The following AGPAT5 variants were observed in gnomAD, a reference collection of about 807,000 sequenced individuals.
The protein encoded by AGPAT5 is 1-acylglycerol-3-phosphate O-acyltransferase 5, also known as 1-acyl-sn-glycerol-3-phosphate acyltransferase epsilon.
A neutral mutation model predicts 45.6 loss-of-function variants in AGPAT5; 46 were observed. The ratio of observed to expected loss-of-function variants is 1.01; its 90% CI spans 0.80 to 1.29. The LOEUF (loss-of-function observed/expected upper bound fraction) is 1.29, where lower values mean the gene tolerates loss of function less well. AGPAT5 is among the 50% of genes most tolerant of loss of function. AGPAT5 has a pLI of 0.00. For missense variants in AGPAT5, 673 were observed against 450.7 expected, an observed-to-expected ratio of 1.49 and a Z score of -4.47; for synonymous variants, 272 against 167.0, an observed-to-expected ratio of 1.63 and a Z score of -4.85.
chr8:6,758,210 T>C lies in AGPAT5; in HGVS notation c.*822T>C, dbSNP rs1467141372. ...CGTTAAGGTTTTCTGTTTTGTTTTG[T>C]TTTTTTAATATCAAAAGAGTCGGTG... On this transcript the variant is annotated 3_prime_UTR_variant, in exon 8 of 8. Transcript: ENST00000285518. The C allele has an allele frequency of 2.6e-5, 4 of 152,586 alleles. No individual in the cohort carries two copies. The highest frequency in any genetic ancestry group is 9.7e-5 in the African/African-American group (4 of 41,448). The allele number at this position is 152,586 out of a possible 1,614,324, so 9.5% of individuals were successfully genotyped here.
intron 1 of AGPAT5, among the ~76,000 whole-genome samples, chr8:6,713,705 C>T (rs186067447): frequency 7.2e-6 from 1 of 139,470 alleles, no homozygotes; most frequent in Non-Finnish European, 1.5e-5. Flanking sequence ...AGGTACACAG[C>T]ACCATGCCCA....
intron 1 of AGPAT5, among the ~76,000 whole-genome samples, chr8:6,720,649 C>G (rs1038862315): frequency 6.6e-6 from 1 of 152,130 alleles, no homozygotes; most frequent in African/African-American, 2.4e-5. Flanking sequence ...GCTGTTTAAC[C>G]AAGAGAAAAA....
At chr8:6,732,087 G>A (rs1268244663) in intron 3 of AGPAT5, among the ~76,000 whole-genome samples, 2 of 152,178 alleles carry the variant, frequency 1.3e-5, no homozygotes, top group East Asian at 3.8e-4. Flanking sequence ...GGCTTTAGTA[G>A]ACTGATTTGG....
rs765753866 is a variant in AGPAT5, at chr8:6,755,096, G to T, written c.791G>T (p.Arg264Leu). 6.2e-7 allele frequency: 1 copy of T among 1,604,854 alleles called. No individual in the cohort carries two copies. The highest frequency in any genetic ancestry group is 8.5e-7 in the Non-Finnish European group (1 of 1,177,284). The change falls in exon 7 of 8, where the codon CGT (arginine) becomes CTT (leucine). Residue 264 changes from arginine (R) to leucine (L), a missense_variant. By Grantham distance (102) the Arg-to-Leu change is moderately radical. Transcript: ENST00000285518. ...CCAAAAATTCATATTCACATTGATC[G>T]TATCGACAAAAAAGATGTCCCAGAA... ...ECPKIHIHIDRIDKKDVPEEQ... is the reference protein window; with the variant it reads ...ECPKIHIHIDLIDKKDVPEEQ...
chr8:6,746,079 C>A (rs2116941029), intron 5 of AGPAT5: 1 of 151,762 alleles, frequency 6.6e-6, no homozygotes, highest in Admixed American at 6.6e-5. Flanking sequence ...TTTCTGCATT[C>A]TTCTCCCTCC....
chr8:6,736,108 C>T (rs952534606), intron 4 of AGPAT5, among the ~76,000 whole-genome samples: 1 of 152,090 alleles, frequency 6.6e-6, no homozygotes. Flanking sequence ...CGCCTCGGCC[C>T]CCCACAGTGC....
At chr8:6,720,770 C>T (rs1587007991) in intron 1 of AGPAT5, among the ~76,000 whole-genome samples, 1 of 152,264 alleles carries the variant, frequency 6.6e-6, no homozygotes, top group East Asian at 1.9e-4. Context: ...AATAAGAGGG[C>T]TAGCAAGGAA....
chr8:6,730,754 G>T lies in AGPAT5; in HGVS notation c.333G>T (p.Ala111=), dbSNP rs753719874. ...ACATCTTGGCCATCAGGCAGAATGCGCTAGGACATGTGCGCTACGTGCTGA... is the reference window on the plus strand; with the variant it reads ...ACATCTTGGCCATCAGGCAGAATGCTCTAGGACATGTGCGCTACGTGCTGA... ...VADILAIRQN[A]LGHVRYVLKE... The change falls in exon 3 of 8, where the codon GCG becomes GCT. Residue 111 remains alanine, a synonymous_variant. Coordinates refer to ENST00000285518, the MANE Select transcript of AGPAT5 (RefSeq NM_018361.5). The T allele has an allele frequency of 1.2e-6, 2 of 1,613,606 alleles. No individual in the cohort carries two copies. Among genetic ancestry groups the T allele is most frequent in the Non-Finnish European group, 1.7e-6 (2 of 1,179,600 alleles).
chr8:6,736,859 C>T (rs909458575), intron 4 of AGPAT5, among the ~76,000 whole-genome samples: 1 of 152,248 alleles, frequency 6.6e-6, no homozygotes, highest in Non-Finnish European at 1.5e-5. Context: ...TCTCTCTTCA[C>T]AGTTCTATTA....
chr8:6,711,380 TA>T (rs1800151210), intron 1 of AGPAT5, among the ~76,000 whole-genome samples: 1 of 152,266 alleles, frequency 6.6e-6, no homozygotes, highest in African/African-American at 2.4e-5. Context: ...TCAGTGCTGC[TA>T]AAATTGTTCC....
intron 6 of AGPAT5, among the ~76,000 whole-genome samples, chr8:6,752,102 G>A (rs1479571689): frequency 6.6e-6 from 1 of 152,008 alleles, no homozygotes. Context: ...ACTTGAATCC[G>A]GGAGGCAGCA....
chr8:6,722,614 T>C (rs1195338029), intron 1 of AGPAT5, among the ~76,000 whole-genome samples: 1 of 152,224 alleles, frequency 6.6e-6, no homozygotes, highest in Non-Finnish European at 1.5e-5. Flanking sequence ...AGGCAGTTTA[T>C]ATGTCATGGG....
In AGPAT5 at chr8:6,758,805, G is replaced by A. The variant is rs976531970; in HGVS notation, c.*1417G>A. 4.6e-5 allele frequency: 7 copies of A among 152,524 alleles called. No homozygotes were observed. The highest frequency in any genetic ancestry group is 2.1e-4 in the South Asian group (1 of 4,818). 9.4% of individuals were successfully genotyped at this position (152,524 alleles called of 1,614,324 possible). On this transcript the variant is annotated 3_prime_UTR_variant, in exon 8 of 8. Transcript: ENST00000285518. ...ATTTTTGTGTTATAATTTAAACTTC[G>A]ATTTCCTCATAGTCCTTTAAGTTGA...
intron 6 of AGPAT5, 22 bp from the exon 7 acceptor site, chr8:6,755,029 A>G (rs755097515): frequency 5.2e-6 from 8 of 1,550,396 alleles, no homozygotes; most frequent in Non-Finnish European, 7.0e-6. Context: ...AAAAAAAAAG[A>G]ATTATTTTTG....
chr8:6,750,073 C>A (rs1563305929), intron 6 of AGPAT5, among the ~76,000 whole-genome samples: 1 of 152,236 alleles, frequency 6.6e-6, no homozygotes. Context: ...GGAAACCACC[C>A]TCTCTTTTGT....
intron 6 of AGPAT5, among the ~76,000 whole-genome samples, chr8:6,753,513 G>A (rs776575814): frequency 4.6e-5 from 7 of 152,176 alleles, no homozygotes; most frequent in Non-Finnish European, 7.4e-5. Context: ...AACACATAGT[G>A]CATACTGTGT....
chr8:6,737,745 C>T (rs977729995), intron 4 of AGPAT5, among the ~76,000 whole-genome samples: 4 of 152,198 alleles, frequency 2.6e-5, no homozygotes, highest in African/African-American at 7.2e-5. Context: ...GTTTAAATCC[C>T]AGATCTTCTG....
chr8:6,726,177 G>A (rs1236132793), intron 2 of AGPAT5, among the ~76,000 whole-genome samples: 1 of 152,176 alleles, frequency 6.6e-6, no homozygotes, highest in Non-Finnish European at 1.5e-5. Flanking sequence ...TGAGAACTCT[G>A]GCCTGTGCAG....
chr8:6,746,063 C>CTT (rs1244224311), intron 5 of AGPAT5: 1 of 60,070 alleles, frequency 1.7e-5, no homozygotes, highest in Non-Finnish European at 3.1e-5. Flanking sequence ...TCCTCTCTCT[C>CTT]TTTTCTTTCT....
Sources: allele counts gnomAD v4.1 joint callset (sites outside exome capture counted in the v4.1 genomes callset), GRCh38; gene constraint gnomAD v4.1.1; transcripts MANE v1.5; gene names NCBI Gene and HGNC (gene_info 2026-07-23, HGNC 2026-07-21).